Variants in RND1 observed in about 807,000 individuals in gnomAD.
The protein encoded by RND1 is Rho family GTPase 1, also known as rho-related GTP-binding protein Rho6.
A neutral mutation model predicts 27.1 loss-of-function variants in RND1; 9 were observed. The observed-to-expected ratio is 0.33, with a 90% CI of 0.20 to 0.58. The LOEUF (loss-of-function observed/expected upper bound fraction) is 0.58. Ranked by LOEUF, RND1 falls within the 20% of genes least tolerant of loss-of-function variation. RND1 has a pLI of 0.86. For synonymous variants in RND1, 108 were observed against 115.7 expected (o/e 0.93, Z 0.43); for missense variants, 253 against 292.2 (o/e 0.87, Z 0.98).
rs144384916 is a variant in RND1, at chr12:48,857,740, CG to C, written c.*255del. ...CCCCACAGCTTTCCTTCCTCTGGAG[CG>C]GGGGGGGCACTGGGGTAGTCGCCCC... is the stretch of plus-strand genomic sequence containing the variant. On this transcript the variant is annotated 3_prime_UTR_variant, in exon 5 of 5. Coordinates refer to ENST00000309739, the MANE Select transcript of RND1 (RefSeq NM_014470.4). 2.3e-4 allele frequency: 79 copies of C among 340,842 alleles called. No homozygotes were observed. The highest frequency in any genetic ancestry group is 8.1e-4 in the Middle Eastern group (1 of 1,238). The allele number at this position is 340,842 out of a possible 1,614,324, so 21.1% of individuals were successfully genotyped here. A position where few individuals can be genotyped will look rare whatever the true frequency, so the allele number is the denominator to read the frequency against.
rs1326215617 is a variant in RND1 at position 48,858,061 on chromosome 12, T to C, written c.634A>G (p.Ser212Gly). ...SLSKRLLHLP[S>G]RSELISSTFK... ...GTAGAAGAGATGAGTTCAGAGCGAC[T>C]GGGGAGGTGGAGCAGTCGTTTGGAG... Residue 212 changes from serine to glycine, a missense_variant, in exon 5 of 5, where the codon AGT (serine) becomes GGT (glycine). Transcript: ENST00000309739. 1 of 1,614,138 alleles carries C rather than the reference T, an allele frequency of 6.2e-7. No homozygotes were observed. The highest frequency in any genetic ancestry group is 1.1e-5 in the South Asian group (1 of 91,070).
chr12:48,858,413 A>G, intron 4 of RND1, 172 bp from the exon 5 acceptor site: 1 of 638,012 alleles, frequency 1.6e-6, no homozygotes, highest in East Asian at 3.0e-5. Context: ...TTTTTGGCAT[A>G]CACCCTGTCT....
In RND1 at chr12:48,862,040, C is replaced by T. The variant is rs764356367; in HGVS notation, c.287G>A (p.Arg96His). The change falls in exon 3 of 5, where the codon CGT becomes CAT. Residue 96 changes from arginine to histidine, a missense_variant. By Grantham distance (29) the Arg-to-His change is conservative. Transcript: ENST00000309739. ...GAGTGCGCTGTCCACTGTCTCTGGA[C>T]GGCTGATGTCAAAACATAGTAATAC... ...DAVLLCFDIS[R>H]PETVDSALKK... 2.3e-5 allele frequency: 37 copies of T among 1,611,312 alleles called. No individual in the cohort carries two copies. Among genetic ancestry groups the T allele is most frequent in the East Asian group, 1.1e-4 (5 of 44,880 alleles).
At chr12:48,858,406 T>TTTTG in intron 4 of RND1, 165 bp from the exon 5 acceptor site, 1 of 699,560 alleles carries the variant, frequency 1.4e-6, no homozygotes, top group Non-Finnish European at 2.2e-6. Context: ...TTTTTTTTTT[T>TTTTG]TGGCATACAC....
At chr12:48,861,227 A>C in intron 3 of RND1, 96 bp from the exon 4 acceptor site, 1 of 1,226,278 alleles carries the variant, frequency 8.2e-7, no homozygotes, top group South Asian at 1.4e-5. Flanking sequence ...GCAACGTCAC[A>C]CACATCACCT....
In RND1 at chr12:48,861,138, G is replaced by T; in HGVS notation, c.319-7C>A. On this transcript the variant is annotated splice_region_variant and splice_polypyrimidine_tract_variant and intron_variant, in intron 3 of 4. Coordinates refer to ENST00000309739, the MANE Select transcript of RND1 (RefSeq NM_014470.4). ...CTAGGATTTCTGTCCTCCACTGAGGGGTGGAGCAGGAAGAAGGGTAGGAGA... is the reference window on the plus strand; with the variant it reads ...CTAGGATTTCTGTCCTCCACTGAGGTGTGGAGCAGGAAGAAGGGTAGGAGA... The T allele has an allele frequency of 1.9e-6, 3 of 1,601,194 alleles. No homozygotes were observed. The highest frequency in any genetic ancestry group is 2.6e-6 in the Non-Finnish European group (3 of 1,171,354).
At chr12:48,864,416 T>TGTGTGTGTGTGTGTGTGTGTGTGCGC (rs141121524) in intron 2 of RND1, among the ~76,000 whole-genome samples, 3 of 135,460 alleles carry the variant, frequency 2.2e-5, no homozygotes, top group African/African-American at 8.2e-5. Flanking sequence ...TGTGTGTGTG[T>TGTGTGTGTGTGTGTGTGTGTGTGCGC]GCGCGCGCGC....
intron 3 of RND1, 127 bp downstream of exon 3, chr12:48,861,882 T>G (rs1441498559): frequency 2.9e-6 from 2 of 696,146 alleles, no homozygotes; most frequent in African/African-American, 3.5e-5. Flanking sequence ...GGTGTGGCCT[T>G]GGGCAAATCT....
At chr12:48,862,142 A>G in intron 2 of RND1, 24 bp from the exon 3 acceptor site, 8 of 1,380,258 alleles carry the variant, frequency 5.8e-6, no homozygotes, top group Non-Finnish European at 8.3e-6. Context: ...GAAAGAGCTG[A>G]TGGTGAGCCA....
intron 2 of RND1, among the ~76,000 whole-genome samples, chr12:48,862,449 C>T (rs757930050): frequency 6.2e-4 from 94 of 152,288 alleles, no homozygotes; most frequent in Non-Finnish European, 1.1e-3. Flanking sequence ...TGCAGAGAGA[C>T]AGCACTTATT....
chr12:48,863,200 C>T (rs1938940485), intron 2 of RND1, among the ~76,000 whole-genome samples: 2 of 152,320 alleles, frequency 1.3e-5, no homozygotes, highest in East Asian at 3.9e-4. Context: ...ACAGGGTCAA[C>T]CCTGAGCCCA....
chr12:48,865,709 C>G lies in RND1; in HGVS notation c.59G>C (p.Gly20Ala). 6.2e-7 allele frequency: 1 copy of G among 1,614,026 alleles called. No individual in the cohort carries two copies. ...VVARCKLVLVGDVQCGKTAML... is the reference protein window; with the variant it reads ...VVARCKLVLVADVQCGKTAML... ...CGCGGTCTTCCCACACTGCACGTCC[C>G]CGACCAGAACGAGCTTACATCTGGC... Residue 20 changes from glycine (G) to alanine (A), a missense_variant, in exon 1 of 5, where the codon GGG (glycine) becomes GCG (alanine). Gly to Ala is a moderately conservative substitution (Grantham distance 60, BLOSUM62 0). Coordinates refer to ENST00000309739, the MANE Select transcript of RND1 (RefSeq NM_014470.4).
At chr12:48,861,942 G>A (rs1331931918) in intron 3 of RND1, 67 bp downstream of exon 3, 1 of 931,638 alleles carries the variant, frequency 1.1e-6, no homozygotes, top group East Asian at 2.4e-5. Flanking sequence ...GGGCATTCAT[G>A]ACAAGGTCCC....
At position 48,861,140 on chromosome 12, in the gene RND1, TG is replaced by T. The variant is rs762174879; in HGVS notation, c.319-10del. ...AGGATTTCTGTCCTCCACTGAGGGG[TG>T]GAGCAGGAAGAAGGGTAGGAGAAGG... On this transcript the variant is annotated splice_polypyrimidine_tract_variant and intron_variant, in intron 3 of 4. Coordinates refer to ENST00000309739, the MANE Select transcript of RND1 (RefSeq NM_014470.4). 1.2e-6 allele frequency: 2 copies of T among 1,600,646 alleles called. No individual in the cohort carries two copies. The highest frequency in any genetic ancestry group is 1.1e-5 in the South Asian group (1 of 89,934).
intron 2 of RND1, among the ~76,000 whole-genome samples, chr12:48,864,010 G>A (rs1033868835): frequency 2.0e-5 from 3 of 152,098 alleles, no homozygotes; most frequent in African/African-American, 4.8e-5. Flanking sequence ...CTGAGAGGCT[G>A]GAAAAACATT....
chr12:48,862,158 T>C (rs1235592550), intron 2 of RND1, 40 bp from the exon 3 acceptor site: 4 of 1,282,858 alleles, frequency 3.1e-6, no homozygotes, highest in East Asian at 2.3e-5. Flanking sequence ...AGCCATGGTG[T>C]TTTCCTTCCC....
Position 48,865,509 on chromosome 12 carries a change from G to A in RND1, c.120+139C>T, listed in dbSNP as rs1166046490. ...AGGGCAGTCCTCCAGCCAAAAAGCA[G>A]CTGAGGATGGTAAAGCCTCAGAAAG... On this transcript the variant is annotated intron_variant, in intron 1 of 4. Coordinates refer to ENST00000309739, the MANE Select transcript of RND1 (RefSeq NM_014470.4). 8 of 1,002,650 alleles carry A rather than the reference G, an allele frequency of 8.0e-6. No individual in the cohort carries two copies. The African/African-American group carries it at 1.3e-4, about 16-fold the overall frequency. 62.1% of individuals were successfully genotyped at this position (1,002,650 alleles called of 1,614,324 possible).
intron 4 of RND1, 28 bp downstream of exon 4, chr12:48,860,969 C>G (rs375176775): frequency 6.2e-7 from 1 of 1,612,260 alleles, no homozygotes; most frequent in Non-Finnish European, 8.5e-7. Context: ...CACTCCACCC[C>G]ACGACATGCA....
At position 48,858,120 on chromosome 12, in the gene RND1, C is replaced by G; in HGVS notation, c.575G>C (p.Ser192Thr). Residue 192 changes from serine (S) to threonine (T), a missense_variant, in exon 5 of 5, where the codon AGC becomes ACC. Ser to Thr is a moderately conservative substitution (Grantham distance 58). Transcript: ENST00000309739. ...GACAGGGCTCTTCTGGGGCAGTGGG[C>G]TAGGCTTGTTCAGACACAGCATGGA... ...TASMLCLNKP[S>T]PLPQKSPVRS... 1 of 1,614,026 alleles carries G rather than the reference C, an allele frequency of 6.2e-7. No individual in the cohort carries two copies. Among genetic ancestry groups the G allele is most frequent in the South Asian group, 1.1e-5 (1 of 91,054 alleles).
Sources: gnomAD v4.1 joint callset for allele counts (sites outside exome capture counted in the v4.1 genomes callset) on GRCh38, gnomAD v4.1.1 for gene constraint, MANE v1.5 for transcripts, NCBI Gene and HGNC (gene_info 2026-07-23, HGNC 2026-07-21) for gene names.